Variants in CCSER1 observed in about 807,000 individuals in gnomAD.
CCSER1 encodes the protein serine-rich coiled-coil domain-containing protein 1.
CCSER1 carries 41 observed loss-of-function variants against 82.0 expected under a neutral mutation model. The observed-to-expected ratio is 0.50, with a 90% confidence interval of 0.39 to 0.65. The LOEUF (loss-of-function observed/expected upper bound fraction) is 0.65. CCSER1 is among the 30% of genes least tolerant of loss of function. The probability of loss-of-function intolerance (pLI) is 0.00; values close to 1 mark genes in which losing one functional copy is unlikely to be tolerated. For synonymous variants in CCSER1, 414 were observed against 383.9 expected (o/e 1.08, Z -0.92); for missense variants, 1,119 against 1,064.2 (o/e 1.05, Z -0.72).
chr4:90,818,736 C>T (rs1480068751), intron 8 of CCSER1, among the ~76,000 whole-genome samples: 1 of 152,212 alleles, frequency 6.6e-6, no homozygotes, highest in Non-Finnish European at 1.5e-5. Flanking sequence ...ATGCCAGTAG[C>T]ACCTCTACAC....
chr4:90,790,616 T>C (rs2149657531), intron 7 of CCSER1, among the ~76,000 whole-genome samples: 1 of 152,342 alleles, frequency 6.6e-6, no homozygotes, highest in East Asian at 1.9e-4. Flanking sequence ...TTTCTTTTGC[T>C]GTGAGGCAAA....
In CCSER1 at chr4:91,411,501, TATATATATATATATATATATATATAA is replaced by T. The variant is rs1560650362; in HGVS notation, c.2218-187069_2218-187044del. ...ATTTCTGCATATATACATATATATA[TATATATATATATATATATATATATAA>T]AATCTTGACTAGTTAATATATTTAA... On this transcript the variant is annotated intron_variant, in intron 10 of 10. Coordinates refer to ENST00000509176, the MANE Select transcript of CCSER1 (RefSeq NM_001145065.2). Among the ~76,000 whole-genome samples the T allele has an allele frequency of 8.0e-5, 5 of 62,460 alleles. 1 individual carries two copies. The highest frequency in any genetic ancestry group is 2.8e-4 in the African/African-American group (5 of 18,116). The allele number at this position is 62,460 out of a possible 152,430, so 41.0% of individuals were successfully genotyped here.
At chr4:90,250,207 G>T (rs1722147899) in intron 1 of CCSER1, among the ~76,000 whole-genome samples, 1 of 151,806 alleles carries the variant, frequency 6.6e-6, no homozygotes, top group Admixed American at 6.6e-5. Flanking sequence ...GGTATCTTTT[G>T]CAGAACAAAG....
chr4:91,087,465 C>A (rs991133728), intron 10 of CCSER1, among the ~76,000 whole-genome samples: 5 of 151,582 alleles, frequency 3.3e-5, no homozygotes, highest in Admixed American at 3.3e-4. Context: ...TTTCTAACGT[C>A]CTTTGATTTT....
intron 10 of CCSER1, among the ~76,000 whole-genome samples, chr4:91,348,198 G>A (rs977437837): frequency 2.0e-5 from 3 of 151,790 alleles, no homozygotes; most frequent in African/African-American, 7.3e-5. Context: ...AATGAGAATT[G>A]GTTTTTTTAG....
At chr4:90,944,128 G>C (rs368123488) in intron 9 of CCSER1, among the ~76,000 whole-genome samples, 1 of 151,404 alleles carries the variant, frequency 6.6e-6, no homozygotes, top group African/African-American at 2.4e-5. Context: ...AGCTACTCGG[G>C]AGGCTGAGGC....
chr4:91,431,885 AT>A (rs746573603), intron 10 of CCSER1, among the ~76,000 whole-genome samples: 1 of 149,568 alleles, frequency 6.7e-6, no homozygotes. Context: ...TTTTTTCTTT[AT>A]TGTTGGTTCA....
At chr4:90,629,468 C>A (rs538113101) in intron 6 of CCSER1, among the ~76,000 whole-genome samples, 176 of 152,268 alleles carry the variant, frequency 1.2e-3, no homozygotes, top group South Asian at 2.3e-3. Context: ...CAGGGAAACT[C>A]TTATTTATGA....
chr4:90,195,298 C>T (rs568221111), intron 1 of CCSER1, among the ~76,000 whole-genome samples: 7 of 152,032 alleles, frequency 4.6e-5, no homozygotes, highest in South Asian at 2.1e-4. Context: ...CATGTAAAGA[C>T]GTGGTGGGTG....
intron 10 of CCSER1, among the ~76,000 whole-genome samples, chr4:91,177,581 T>A (rs528267382): frequency 5.9e-5 from 9 of 152,196 alleles, no homozygotes; most frequent in African/African-American, 2.2e-4. Flanking sequence ...TTTCCATTTC[T>A]TTTAGATTTT....
intron 1 of CCSER1, among the ~76,000 whole-genome samples, chr4:90,131,120 C>T (rs983636615): frequency 3.3e-5 from 5 of 152,110 alleles, no homozygotes; most frequent in African/African-American, 1.2e-4. Flanking sequence ...CCCTCAGCTC[C>T]CTGAGTAGCT....
chr4:90,262,045 G>C (rs1292109669), intron 1 of CCSER1, among the ~76,000 whole-genome samples: 1 of 151,360 alleles, frequency 6.6e-6, no homozygotes, highest in Non-Finnish European at 1.5e-5. Flanking sequence ...CCTTTCTCTG[G>C]TATTTCCTTG....
intron 3 of CCSER1, among the ~76,000 whole-genome samples, chr4:90,344,759 G>A (rs1222699620): frequency 1.3e-5 from 2 of 152,036 alleles, no homozygotes; most frequent in African/African-American, 4.8e-5. Flanking sequence ...AGTAACTTGT[G>A]CTTAATAAAA....
chr4:91,182,538 G>C (rs994380933), intron 10 of CCSER1, among the ~76,000 whole-genome samples: 2 of 152,212 alleles, frequency 1.3e-5, no homozygotes, highest in Non-Finnish European at 2.9e-5. Flanking sequence ...GTTTTAGGGA[G>C]AGATTCATTC....
At chr4:90,173,262 C>T (rs146642538) in intron 1 of CCSER1, among the ~76,000 whole-genome samples, 17 of 151,188 alleles carry the variant, frequency 1.1e-4, no homozygotes, top group East Asian at 5.8e-4. Flanking sequence ...TTGTGGTCCA[C>T]GAATTGTTTC....
chr4:90,358,466 A>T (rs1338072379), intron 3 of CCSER1, among the ~76,000 whole-genome samples: 1 of 152,176 alleles, frequency 6.6e-6, no homozygotes, highest in Non-Finnish European at 1.5e-5. Context: ...ACTTAGAAAC[A>T]GCAGCGAGTA....
intron 1 of CCSER1, among the ~76,000 whole-genome samples, chr4:90,234,013 T>C (rs1483209790): frequency 6.6e-6 from 1 of 152,178 alleles, no homozygotes; most frequent in African/African-American, 2.4e-5. Context: ...AATAAACATT[T>C]AAAAAATGTT....
intron 1 of CCSER1, among the ~76,000 whole-genome samples, chr4:90,283,903 A>G (rs1244400937): frequency 1.3e-5 from 2 of 152,054 alleles, no homozygotes; most frequent in South Asian, 4.1e-4. Flanking sequence ...AGAAACCTCC[A>G]TAATATTCTC....
At chr4:91,344,655 A>G (rs1318287632) in intron 10 of CCSER1, among the ~76,000 whole-genome samples, 11 of 152,032 alleles carry the variant, frequency 7.2e-5, no homozygotes, top group Admixed American at 7.2e-4. Context: ...AGGAAAAAAA[A>G]AAAGGAATAA....
Sources: allele counts gnomAD v4.1 joint callset (sites outside exome capture counted in the v4.1 genomes callset), GRCh38; gene constraint gnomAD v4.1.1; transcripts MANE v1.5; gene names NCBI Gene and HGNC (gene_info 2026-07-23, HGNC 2026-07-21).